NOTCH2NLC: variants seen among roughly 807,000 people sequenced by gnomAD.
NOTCH2NLC encodes the protein notch 2 N-terminal like C, also known as notch homolog 2 N-terminal-like protein C.
A neutral mutation model predicts 17.7 loss-of-function variants in NOTCH2NLC; 4 were observed. That is an observed-to-expected ratio of 0.23 (90% confidence interval 0.11 to 0.52). NOTCH2NLC has a LOEUF of 0.52. Ranked by LOEUF, NOTCH2NLC falls within the 20% of genes least tolerant of loss-of-function variation. The pLI, the probability that NOTCH2NLC is intolerant of heterozygous loss-of-function variation, is 0.96. For synonymous variants in NOTCH2NLC, 18 were observed against 86.0 expected (o/e 0.21, Z 4.38); for missense variants, 57 against 207.2 (o/e 0.28, Z 4.45).
intron 1 of NOTCH2NLC, among the ~76,000 whole-genome samples, chr1:149,407,043 G>T (rs2084274584): frequency 6.7e-6 from 1 of 149,004 alleles, no homozygotes; most frequent in Non-Finnish European, 1.5e-5. Flanking sequence ...CTTTTGTGTG[G>T]TCATAGTTTG....
At chr1:149,401,943 G>A (rs2084248712) in intron 1 of NOTCH2NLC, among the ~76,000 whole-genome samples, 1 of 126,482 alleles carries the variant, frequency 7.9e-6, no homozygotes, top group Admixed American at 8.1e-5. Flanking sequence ...AGTTTATAGA[G>A]TATTCTTACA....
chr1:149,449,757 G>A (rs2084581010), intron 2 of NOTCH2NLC, among the ~76,000 whole-genome samples: 3 of 151,444 alleles, frequency 2.0e-5, no homozygotes, highest in Admixed American at 2.0e-4. Flanking sequence ...TTATCACCCT[G>A]AAAGAAATTC....
chr1:149,427,158 A>C (rs2084417439), intron 1 of NOTCH2NLC, among the ~76,000 whole-genome samples: 1 of 151,326 alleles, frequency 6.6e-6, no homozygotes, highest in Non-Finnish European at 1.5e-5. Context: ...TTACTCTCTT[A>C]GCAATTTTGA....
chr1:149,431,767 CAGTG>C (rs2084451414), intron 2 of NOTCH2NLC, among the ~76,000 whole-genome samples: 1 of 36,742 alleles, frequency 2.7e-5, no homozygotes, highest in African/African-American at 9.2e-5. Context: ...GAAAGTGAGA[CAGTG>C]AGAGAGGAAG....
intron 1 of NOTCH2NLC, 138 bp downstream of exon 1, chr1:149,391,060 C>T: frequency 1.2e-6 from 1 of 805,672 alleles, no homozygotes; most frequent in South Asian, 3.0e-5. Flanking sequence ...CGCTGGGTTC[C>T]CGAGAGTTTG....
intron 1 of NOTCH2NLC, among the ~76,000 whole-genome samples, chr1:149,424,957 G>A (rs1420950332): frequency 2.6e-5 from 4 of 151,258 alleles, no homozygotes; most frequent in African/African-American, 9.7e-5. Context: ...CCCATAACCT[G>A]AACACCTCCC....
At chr1:149,420,112 C>G (rs1352296340) in intron 1 of NOTCH2NLC, among the ~76,000 whole-genome samples, 13 of 150,010 alleles carry the variant, frequency 8.7e-5, no homozygotes, top group Non-Finnish European at 8.9e-5. Context: ...CCTCGTGATC[C>G]GCCCACCTCG....
intron 2 of NOTCH2NLC, among the ~76,000 whole-genome samples, chr1:149,431,776 A>AG (rs1236679087): frequency 2.6e-5 from 1 of 38,814 alleles, no homozygotes; most frequent in Non-Finnish European, 5.2e-5. Context: ...ACAGTGAGAG[A>AG]GGAAGATGTG....
rs1248816714 is a variant in NOTCH2NLC at position 149,390,840 on chromosome 1, G to A, written c.53G>A (p.Gly18Asp). The change falls in exon 1 of 5, where the codon GGC (glycine) becomes GAC (aspartate). Residue 18 changes from glycine to aspartate, a missense_variant. Physicochemically the swap from Gly to Asp is moderately conservative, Grantham distance 94 (BLOSUM62 -1). Around this residue, in one of 7 missense-constraint regions of NOTCH2NLC, gnomAD observed 25 missense variants for 27.0 expected, o/e 0.93. Coordinates refer to ENST00000650865, the MANE Select transcript of NOTCH2NLC (RefSeq NM_001364013.2). ...GGGGGGGGGG[G>D]DREDARPAPL... Reference sequence around the variant, plus strand: ...GGCGGCGGCGGCGGCGGAGGAGGCGGCGACCGAGAAGATGCCCGCCCTGCG... The same window carrying A: ...GGCGGCGGCGGCGGCGGAGGAGGCGACGACCGAGAAGATGCCCGCCCTGCG... 5.1e-6 allele frequency: 7 copies of A among 1,363,720 alleles called. No individual in the cohort carries two copies. Among genetic ancestry groups the A allele is most frequent in the Middle Eastern group, 2.7e-4 (1 of 3,738 alleles). 84.5% of individuals were successfully genotyped at this position (1,363,720 alleles called of 1,614,324 possible). A position where few individuals can be genotyped will look rare whatever the true frequency, so the allele number is the denominator to read the frequency against.
chr1:149,417,953 C>T (rs1402522500), intron 1 of NOTCH2NLC, among the ~76,000 whole-genome samples: 1 of 149,812 alleles, frequency 6.7e-6, no homozygotes, highest in Admixed American at 6.7e-5. Context: ...TGGCTATCTT[C>T]TGGAACTCAC....
intron 1 of NOTCH2NLC, among the ~76,000 whole-genome samples, chr1:149,419,839 G>GT (rs2084368675): frequency 2.3e-5 from 3 of 129,616 alleles, no homozygotes; most frequent in African/African-American, 8.6e-5. Flanking sequence ...TGAAGTTCAG[G>GT]AATATATATA....
rs2084396418 is a variant in NOTCH2NLC, at chr1:149,424,013, T to A, written c.136-6929T>A. Among the ~76,000 whole-genome samples, 2 of 150,866 alleles carry A rather than the reference T, an allele frequency of 1.3e-5. 1 individual carries two copies. The highest frequency in any genetic ancestry group is 3.0e-5 in the Non-Finnish European group (2 of 67,548). ...CAAAGGGAGGCTTTTAAGCCAGTGATATGTAGCTGGTATGATACTGAAAAG... is the reference window on the plus strand; with the variant it reads ...CAAAGGGAGGCTTTTAAGCCAGTGAAATGTAGCTGGTATGATACTGAAAAG... On this transcript the variant is annotated intron_variant, in intron 1 of 4. Coordinates refer to ENST00000650865, the MANE Select transcript of NOTCH2NLC (RefSeq NM_001364013.2).
At chr1:149,449,408 A>G (rs2084576847) in intron 2 of NOTCH2NLC, among the ~76,000 whole-genome samples, 2 of 148,648 alleles carry the variant, frequency 1.3e-5, no homozygotes, top group African/African-American at 4.9e-5. Flanking sequence ...ACTACTATTA[A>G]GCATAGAAGC....
chr1:149,400,110 A>G (rs1356997248), intron 1 of NOTCH2NLC, among the ~76,000 whole-genome samples: 2 of 138,118 alleles, frequency 1.4e-5, no homozygotes, highest in African/African-American at 2.6e-5. Context: ...CTGTTGATTT[A>G]TTTATATATA....
chr1:149,417,388 G>A (rs1209233213), intron 1 of NOTCH2NLC, among the ~76,000 whole-genome samples: 7 of 151,160 alleles, frequency 4.6e-5, no homozygotes, highest in Non-Finnish European at 8.9e-5. Flanking sequence ...GATTACAGGC[G>A]TGAGCCACCG....
At chr1:149,419,014 C>G (rs1366526295) in intron 1 of NOTCH2NLC, among the ~76,000 whole-genome samples, 1 of 149,656 alleles carries the variant, frequency 6.7e-6, no homozygotes, top group East Asian at 2.0e-4. Flanking sequence ...CTTCCTCTCT[C>G]TTTCCCTTTC....
Position 149,425,007 on chromosome 1 carries a change from G to A in NOTCH2NLC, c.136-5935G>A, listed in dbSNP as rs1353444689. On this transcript the variant is annotated intron_variant, in intron 1 of 4. Coordinates refer to ENST00000650865, the MANE Select transcript of NOTCH2NLC (RefSeq NM_001364013.2). ...TCAACATTGGGGATTACGTTTCAAC[G>A]TGAGATTTGGAAGGGACAAAATAGC... Among the ~76,000 whole-genome samples, 351 of 151,454 alleles carry A rather than the reference G, an allele frequency of 2.3e-3. 4 individuals are homozygous for A. The highest frequency in any genetic ancestry group is 8.1e-3 in the African/African-American group (335 of 41,334).
chr1:149,445,533 C>T (rs2084544675), intron 2 of NOTCH2NLC, among the ~76,000 whole-genome samples: 1 of 148,056 alleles, frequency 6.8e-6, no homozygotes, highest in Non-Finnish European at 1.5e-5. Flanking sequence ...CTGCCCTTAC[C>T]TCATTTACCT....
intron 2 of NOTCH2NLC, among the ~76,000 whole-genome samples, chr1:149,446,534 G>C (rs1366532542): frequency 3.3e-5 from 5 of 149,794 alleles, no homozygotes; most frequent in Non-Finnish European, 7.4e-5. Flanking sequence ...TCACCATGTT[G>C]CCCGTGTTGC....
Sources: allele counts gnomAD v4.1 joint callset (sites outside exome capture counted in the v4.1 genomes callset), GRCh38; gene constraint gnomAD v4.1.1; regional missense constraint gnomAD v4.1.1; transcripts MANE v1.5; gene names NCBI Gene and HGNC (gene_info 2026-07-23, HGNC 2026-07-21).